ROBO1: variants seen among roughly 807,000 people sequenced by gnomAD.
ROBO1 encodes the protein roundabout homolog 1.
In ROBO1, 149 loss-of-function variants were observed where a neutral mutation model predicts 195.9. The ratio of observed to expected loss-of-function variants is 0.76; its 90% CI spans 0.67 to 0.87. ROBO1 has a LOEUF of 0.87. Ranked by LOEUF, ROBO1 falls within the 40% of genes least tolerant of loss-of-function variation. ROBO1 has a pLI of 0.00. For missense variants in ROBO1, 1,933 were observed against 2,068.3 expected (o/e 0.93, Z 1.27); for synonymous variants, 816 against 733.2 (o/e 1.11, Z -1.82).
At chr3:79,569,733 G>GTATA (rs140883086) in intron 2 of ROBO1, among the ~76,000 whole-genome samples, 4 of 151,122 alleles carry the variant, frequency 2.6e-5, no homozygotes, top group Admixed American at 1.3e-4. Flanking sequence ...GTGTGTATGT[G>GTATA]TATATATATA....
Position 78,714,456 on chromosome 3 carries a change from G to A in ROBO1, c.986C>T (p.Thr329Ile). 2 of 1,613,282 alleles carry A rather than the reference G, an allele frequency of 1.2e-6. 1 individual carries two copies. The highest frequency in any genetic ancestry group is 2.2e-5 in the South Asian group (2 of 90,952). ...KVTAGDMGSY[T>I]CVAENMVGKA... Reference sequence around the variant, plus strand: ...GCCCACCATATTTTCTGCAACACAAGTGTATGAACCCATGTCACCAGCTGT... The same window carrying A: ...GCCCACCATATTTTCTGCAACACAAATGTATGAACCCATGTCACCAGCTGT... Residue 329 changes from threonine (T) to isoleucine (I), a missense_variant, in exon 8 of 31, where the codon ACT becomes ATT. This residue lies in a region of ROBO1 where 1,737 missense variants were observed against 1,882.5 expected (regional missense o/e 0.92). Coordinates refer to ENST00000464233, the MANE Select transcript of ROBO1 (RefSeq NM_002941.4).
At chr3:79,641,319 T>C (rs899199510) in intron 1 of ROBO1, among the ~76,000 whole-genome samples, 2 of 151,638 alleles carry the variant, frequency 1.3e-5, no homozygotes, top group African/African-American at 4.8e-5. Flanking sequence ...AAATCATTGC[T>C]GATCAACCTT....
chr3:79,695,716 A>G (rs1477628955), intron 1 of ROBO1, among the ~76,000 whole-genome samples: 1 of 151,498 alleles, frequency 6.6e-6, no homozygotes, highest in Non-Finnish European at 1.5e-5. Flanking sequence ...CTACTGAACC[A>G]TACTCATGTG....
chr3:79,021,271 T>C (rs541207648), intron 3 of ROBO1, among the ~76,000 whole-genome samples: 1 of 152,294 alleles, frequency 6.6e-6, no homozygotes, highest in Non-Finnish European at 1.5e-5. Context: ...AATATATCTC[T>C]TTTTTCTTGG....
chr3:79,007,637 A>G (rs1186548048), intron 3 of ROBO1, among the ~76,000 whole-genome samples: 1 of 152,194 alleles, frequency 6.6e-6, no homozygotes, highest in Non-Finnish European at 1.5e-5. Context: ...TTTTAAAATT[A>G]TTTGTTTTTT....
intron 1 of ROBO1, among the ~76,000 whole-genome samples, chr3:79,754,570 C>T (rs1186765420): frequency 6.6e-6 from 1 of 152,202 alleles, no homozygotes; most frequent in Non-Finnish European, 1.5e-5. Context: ...CTCAGCAACG[C>T]TAGCTCCATG....
At chr3:79,747,300 C>G (rs2100025401) in intron 1 of ROBO1, among the ~76,000 whole-genome samples, 1 of 151,892 alleles carries the variant, frequency 6.6e-6, no homozygotes, top group Non-Finnish European at 1.5e-5. Flanking sequence ...AGGACTCCAA[C>G]AAGGAGGTTT....
chr3:78,903,094 A>T (rs1256972167), intron 4 of ROBO1, among the ~76,000 whole-genome samples: 1 of 152,172 alleles, frequency 6.6e-6, no homozygotes, highest in Non-Finnish European at 1.5e-5. Flanking sequence ...AAACAGAAAC[A>T]CAATTCTCTT....
chr3:78,802,287 C>T (rs1036812976), intron 4 of ROBO1, among the ~76,000 whole-genome samples: 8 of 152,074 alleles, frequency 5.3e-5, no homozygotes, highest in Admixed American at 3.9e-4. Context: ...AGAACATTCC[C>T]ACAGTGATAC....
chr3:78,623,739 G>A (rs923981949), intron 26 of ROBO1, among the ~76,000 whole-genome samples: 4 of 152,196 alleles, frequency 2.6e-5, no homozygotes, highest in African/African-American at 9.6e-5. Context: ...CTAGGAAAGT[G>A]CATTTATGGC....
At position 79,116,934 on chromosome 3, in the gene ROBO1, T is replaced by G. The variant is rs2080015289; in HGVS notation, c.172+8522A>C. On this transcript the variant is annotated intron_variant, in intron 3 of 30. Coordinates refer to ENST00000464233, the MANE Select transcript of ROBO1 (RefSeq NM_002941.4). ...AAATGTTATTGTTGCATTACTATTT[T>G]TAATTGCTTTTTAAAAGAGATTTTG... Among the ~76,000 whole-genome samples, 3 of 152,220 alleles carry G rather than the reference T, an allele frequency of 2.0e-5. No homozygotes were observed. The South Asian group carries it at 6.2e-4, about 32-fold the overall frequency.
At chr3:79,364,253 C>T (rs5850420) in intron 2 of ROBO1, among the ~76,000 whole-genome samples, 3 of 114,072 alleles carry the variant, frequency 2.6e-5, no homozygotes, top group Admixed American at 8.1e-5. Context: ...TATATATATA[C>T]ATATATATAC....
At chr3:79,551,847 A>AC (rs1942524075) in intron 2 of ROBO1, among the ~76,000 whole-genome samples, 1 of 151,746 alleles carries the variant, frequency 6.6e-6, no homozygotes, top group Non-Finnish European at 1.5e-5. Context: ...AGGTAGAATC[A>AC]CCCCATTTTA....
At chr3:79,199,627 C>G (rs1043910982) in intron 2 of ROBO1, among the ~76,000 whole-genome samples, 3 of 151,268 alleles carry the variant, frequency 2.0e-5, no homozygotes, top group Non-Finnish European at 1.5e-5. Flanking sequence ...TTGTCTGTTT[C>G]TATCCTTTCT....
intron 2 of ROBO1, among the ~76,000 whole-genome samples, chr3:79,248,232 C>T (rs78104326): frequency 0.01 from 1,585 of 151,868 alleles, 9 homozygotes; most frequent in Non-Finnish European, 0.017. Flanking sequence ...TTTTCTTTTA[C>T]GATGGCTAGT....
intron 1 of ROBO1, among the ~76,000 whole-genome samples, chr3:79,616,887 G>T (rs1944840337): frequency 6.6e-6 from 1 of 152,156 alleles, no homozygotes; most frequent in African/African-American, 2.4e-5. Flanking sequence ...TGGAGCAGCA[G>T]CATTTCTGCA....
In ROBO1 at chr3:79,491,932, T is replaced by C. The variant is rs544606068; in HGVS notation, c.88+97892A>G. ...ATCCAAATGCCTTGTTATAAGGCATTTGACAATGCTTACAGCAGTAGTGTG... is the reference window on the plus strand; with the variant it reads ...ATCCAAATGCCTTGTTATAAGGCATCTGACAATGCTTACAGCAGTAGTGTG... On this transcript the variant is annotated intron_variant, in intron 2 of 30. Transcript: ENST00000464233. 2.0e-5 allele frequency among the ~76,000 whole-genome samples: 3 copies of C among 152,182 alleles called. No homozygotes were observed. The East Asian group carries it at 5.8e-4, about 30-fold the overall frequency.
chr3:79,406,260 A>T (rs1407842451), intron 2 of ROBO1, among the ~76,000 whole-genome samples: 2 of 151,618 alleles, frequency 1.3e-5, no homozygotes, highest in Non-Finnish European at 2.9e-5. Context: ...AAAAAAAAAA[A>T]AATCTCTAAA....
chr3:79,012,690 G>C (rs759657709), intron 3 of ROBO1, among the ~76,000 whole-genome samples: 10 of 152,212 alleles, frequency 6.6e-5, no homozygotes, highest in Non-Finnish European at 1.2e-4. Flanking sequence ...AGGATTTGTA[G>C]CAGCCTGTTT....
Sources: gnomAD v4.1 joint callset for allele counts (sites outside exome capture counted in the v4.1 genomes callset) on GRCh38, gnomAD v4.1.1 for gene constraint, gnomAD v4.1.1 regional missense constraint, MANE v1.5 for transcripts, NCBI Gene and HGNC (gene_info 2026-07-23, HGNC 2026-07-21) for gene names.